JAK1: variants seen among roughly 807,000 people sequenced by gnomAD.
The protein encoded by JAK1 is Janus kinase 1.
In JAK1, 16 loss-of-function variants were observed where a neutral mutation model predicts 136.6. The ratio of observed to expected loss-of-function variants is 0.12; its 90% CI spans 0.08 to 0.18. The LOEUF is 0.18. Ranked by LOEUF, JAK1 falls within the 10% of genes least tolerant of loss-of-function variation. JAK1 has a pLI of 1.00. For synonymous variants in JAK1, 492 were observed against 519.5 expected, an observed-to-expected ratio of 0.95 and a Z score of 0.72; for missense variants, 859 against 1,450.1, an observed-to-expected ratio of 0.59 and a Z score of 6.62.
chr1:64,837,655 A>C (rs310241), intron 22 of JAK1, among the ~76,000 whole-genome samples: 1 of 152,062 alleles, frequency 6.6e-6, no homozygotes, highest in Admixed American at 6.5e-5. Flanking sequence ...CCTCTCCTGG[A>C]AAGCTAGGAA....
At chr1:65,056,923 T>TAAAAA (rs57037539) in intron 1 of JAK1, among the ~76,000 whole-genome samples, 2 of 118,744 alleles carry the variant, frequency 1.7e-5, no homozygotes, top group Non-Finnish European at 3.4e-5. Flanking sequence ...ACTCTTTCTT[T>TAAAAA]AAAAAAAAAA....
At chr1:65,041,807 G>A (rs183088866) in intron 2 of JAK1, among the ~76,000 whole-genome samples, 76 of 152,346 alleles carry the variant, frequency 5.0e-4, no homozygotes, top group South Asian at 1.9e-3. Flanking sequence ...GGGAGGCCAA[G>A]GTGGGTGGAT....
Position 64,836,235 on chromosome 1 carries a change from C to T in JAK1, c.3141-20G>A, listed in dbSNP as rs775621140. 1.4e-6 allele frequency: 2 copies of T among 1,416,836 alleles called. No homozygotes were observed. The highest frequency in any genetic ancestry group is 2.0e-6 in the Non-Finnish European group (2 of 1,002,136). 87.8% of individuals were successfully genotyped at this position (1,416,836 alleles called of 1,614,324 possible). On this transcript the variant is annotated intron_variant, in intron 22 of 24. Coordinates refer to ENST00000342505, the MANE Select transcript of JAK1 (RefSeq NM_002227.4). ...GCATACCTTGAAAGGAAGCAGAACACAAAACTTCATTTCCTGGGAGGCACA... is the reference window on the plus strand; with the variant it reads ...GCATACCTTGAAAGGAAGCAGAACATAAAACTTCATTTCCTGGGAGGCACA...
At chr1:65,047,891 G>C (rs1274060531) in intron 1 of JAK1, among the ~76,000 whole-genome samples, 3 of 152,006 alleles carry the variant, frequency 2.0e-5, no homozygotes, top group Non-Finnish European at 4.4e-5. Context: ...TGTGGCTTCT[G>C]TGAAAGAATT....
At chr1:65,039,013 T>C (rs1345251720) in intron 2 of JAK1, among the ~76,000 whole-genome samples, 1 of 151,210 alleles carries the variant, frequency 6.6e-6, no homozygotes. Context: ...CCTAGGTTGG[T>C]CTCAAACTCC....
chr1:64,869,537 T>G lies in JAK1; in HGVS notation c.484-63A>C, dbSNP rs569582354. The G allele has an allele frequency of 7.7e-6, 11 of 1,424,624 alleles. No homozygotes were observed. The African/African-American group carries it at 1.4e-4, about 18-fold the overall frequency. 88.2% of individuals were successfully genotyped at this position (1,424,624 alleles called of 1,614,324 possible). A position where few individuals can be genotyped will look rare whatever the true frequency, so the allele number is the denominator to read the frequency against. ...TTTTTGATCTTGACAAGAAGGCTAC[T>G]ACACAGGGAGGGGCCGCCTAGAAAC... On this transcript the variant is annotated intron_variant, in intron 5 of 24. Coordinates refer to ENST00000342505, the MANE Select transcript of JAK1 (RefSeq NM_002227.4).
At chr1:64,958,273 C>T (rs1646226208) in intron 1 of JAK1, among the ~76,000 whole-genome samples, 1 of 152,218 alleles carries the variant, frequency 6.6e-6, no homozygotes, top group Non-Finnish European at 1.5e-5. Flanking sequence ...CCTCCTCTGA[C>T]TTCTTCCTAC....
chr1:64,881,922 A>G (rs1644779115), intron 3 of JAK1, among the ~76,000 whole-genome samples: 1 of 152,218 alleles, frequency 6.6e-6, no homozygotes, highest in South Asian at 2.1e-4. Flanking sequence ...TCTCAAGGGG[A>G]AAGGGAGAAA....
At chr1:64,900,135 G>A (rs1277768660) in intron 1 of JAK1, among the ~76,000 whole-genome samples, 1 of 152,146 alleles carries the variant, frequency 6.6e-6, no homozygotes, top group African/African-American at 2.4e-5. Flanking sequence ...AGGAATTCAG[G>A]AGAGCCAATT....
chr1:65,024,739 G>A (rs1455809038), intron 2 of JAK1, among the ~76,000 whole-genome samples: 1 of 151,846 alleles, frequency 6.6e-6, no homozygotes, highest in Non-Finnish European at 1.5e-5. Flanking sequence ...CAGTTTGGGA[G>A]GCTAAGGTGG....
At chr1:64,995,948 A>T (rs1360212146) in intron 2 of JAK1, among the ~76,000 whole-genome samples, 1 of 152,090 alleles carries the variant, frequency 6.6e-6, no homozygotes, top group Non-Finnish European at 1.5e-5. Flanking sequence ...CATATTGTCT[A>T]GGCTGGCCTT....
Position 64,866,982 on chromosome 1 carries a change from G to A in JAK1, c.874C>T (p.Leu292=), listed in dbSNP as rs2101114553. 1.2e-6 allele frequency: 2 copies of A among 1,614,118 alleles called. No individual in the cohort carries two copies. The highest frequency in any genetic ancestry group is 1.7e-6 in the Non-Finnish European group (2 of 1,179,940). ...GAEIFETSML[L]ISSENEMNWF... is the part of the protein sequence containing the mutation. ...TTCATCTCATTTTCTGATGAAATCA[G>A]TAACATGGAAGTCTCAAATATTTCA... The change falls in exon 7 of 25, where the codon CTG becomes TTG. Residue 292 remains leucine, a synonymous_variant. Transcript: ENST00000342505.
chr1:64,914,453 C>A (rs11805605), intron 1 of JAK1, among the ~76,000 whole-genome samples: 1 of 152,098 alleles, frequency 6.6e-6, no homozygotes, highest in Admixed American at 6.5e-5. Context: ...CCCAAAACAA[C>A]GAAATAAACA....
At chr1:65,044,935 G>A (rs1020057836) in intron 1 of JAK1, among the ~76,000 whole-genome samples, 1 of 146,054 alleles carries the variant, frequency 6.8e-6, no homozygotes, top group Non-Finnish European at 1.5e-5. Context: ...TGGAACAAAT[G>A]GAATGATGCA....
chr1:65,021,462 T>A (rs145441833), intron 2 of JAK1, among the ~76,000 whole-genome samples: 1,652 of 152,296 alleles, frequency 0.011, 22 homozygotes, highest in African/African-American at 0.037. Flanking sequence ...ACTTGTCCCA[T>A]AGTAAAGATG....
rs376205172 is a variant in JAK1, at chr1:64,979,346, C to A, written c.-78+65134G>T. Among the ~76,000 whole-genome samples the A allele has an allele frequency of 2.0e-4, 30 of 152,270 alleles. 5 individuals are homozygous for A. The highest frequency in any genetic ancestry group is 3.3e-4 in the Admixed American group (5 of 15,294). ...CCCAGGAGTTCGAGGCTGTAGTGAGCTATGCTCATGCCATTGCACCCCAGA... is the reference window on the plus strand; with the variant it reads ...CCCAGGAGTTCGAGGCTGTAGTGAGATATGCTCATGCCATTGCACCCCAGA... On this transcript the variant is annotated intron_variant, in intron 2 of 25. Transcript: ENST00000671954.
chr1:65,038,451 G>A (rs577992713), intron 2 of JAK1, among the ~76,000 whole-genome samples: 1 of 151,930 alleles, frequency 6.6e-6, no homozygotes, highest in African/African-American at 2.4e-5. Context: ...TGCCCGCCTC[G>A]GCCTCCCAAA....
At chr1:64,979,758 A>G (rs1316043631) in intron 2 of JAK1, 1 of 152,216 alleles carries the variant, frequency 6.6e-6, no homozygotes, top group Non-Finnish European at 1.5e-5. Context: ...TCAAGCATCA[A>G]ATGGCTGATA....
intron 5 of JAK1, among the ~76,000 whole-genome samples, chr1:64,870,510 C>A (rs1289452863): frequency 1.3e-5 from 2 of 152,056 alleles, no homozygotes; most frequent in African/African-American, 4.8e-5. Context: ...CCTGGGGGCC[C>A]AGGGCTTAGC....
Sources: gnomAD v4.1 joint callset for allele counts (sites outside exome capture counted in the v4.1 genomes callset) on GRCh38, gnomAD v4.1.1 for gene constraint, MANE v1.5 for transcripts, NCBI Gene and HGNC (gene_info 2026-07-23, HGNC 2026-07-21) for gene names.